Variants in LPP observed in about 807,000 individuals in gnomAD.
The protein encoded by LPP is LIM domain containing preferred translocation partner in lipoma.
A neutral mutation model predicts 60.4 loss-of-function variants in LPP; 38 were observed. The ratio of observed to expected loss-of-function variants is 0.63; its 90% CI spans 0.49 to 0.83. The LOEUF (loss-of-function observed/expected upper bound fraction) is 0.83. LPP is among the 40% of genes least tolerant of loss of function. LPP has a pLI of 0.00. For synonymous variants in LPP, 328 were observed against 290.8 expected (o/e 1.13, Z -1.30); for missense variants, 902 against 783.6 (o/e 1.15, Z -1.80).
intron 2 of LPP, among the ~76,000 whole-genome samples, chr3:188,227,175 T>C (rs2149333089): frequency 6.6e-6 from 1 of 151,804 alleles, no homozygotes; most frequent in African/African-American, 2.4e-5. Context: ...TTATTTTATT[T>C]TTATTTTTTA....
At chr3:188,679,480 C>G (rs548464546) in intron 7 of LPP, among the ~76,000 whole-genome samples, 1 of 151,640 alleles carries the variant, frequency 6.6e-6, no homozygotes, top group Non-Finnish European at 1.5e-5. Context: ...TTTAGTCTTT[C>G]TCGTCGTCCT....
intron 7 of LPP, among the ~76,000 whole-genome samples, chr3:188,635,126 T>C (rs721397): frequency 0.19 from 28,979 of 152,164 alleles, 3,240 homozygotes; most frequent in South Asian, 0.38. Context: ...GCTCCATGTT[T>C]AAATTATATT....
At chr3:188,491,260 G>A (rs189317691) in intron 5 of LPP, among the ~76,000 whole-genome samples, 35 of 152,288 alleles carry the variant, frequency 2.3e-4, no homozygotes, top group Admixed American at 3.3e-4. Context: ...TTCTGCTGCC[G>A]GTTAGTGTGA....
intron 3 of LPP, among the ~76,000 whole-genome samples, chr3:188,377,292 G>C (rs1348001854): frequency 6.6e-6 from 1 of 152,182 alleles, no homozygotes; most frequent in Non-Finnish European, 1.5e-5. Flanking sequence ...ATAATATCCT[G>C]CCGAGTGTTT....
chr3:188,654,395 T>C (rs1424318612), intron 7 of LPP, among the ~76,000 whole-genome samples: 1 of 152,162 alleles, frequency 6.6e-6, no homozygotes, highest in African/African-American at 2.4e-5. Flanking sequence ...ATTCTGGAAA[T>C]TGAATCTGTG....
intron 4 of LPP, among the ~76,000 whole-genome samples, chr3:188,439,987 A>G (rs1359926992): frequency 2.0e-5 from 3 of 152,204 alleles, no homozygotes; most frequent in African/African-American, 7.2e-5. Flanking sequence ...ACTCATACAC[A>G]TAAACATGGA....
intron 7 of LPP, among the ~76,000 whole-genome samples, chr3:188,669,626 A>G (rs1856556688): frequency 6.6e-6 from 1 of 152,160 alleles, no homozygotes; most frequent in Non-Finnish European, 1.5e-5. Flanking sequence ...CAGGTGATGG[A>G]GATGATGTGG....
intron 5 of LPP, among the ~76,000 whole-genome samples, chr3:188,498,585 T>C (rs1463542191): frequency 6.6e-6 from 1 of 152,216 alleles, no homozygotes. Flanking sequence ...TCTTTCCCCA[T>C]TTTACCTACT....
chr3:188,465,724 A>G (rs1057253768), intron 4 of LPP, among the ~76,000 whole-genome samples: 4 of 152,144 alleles, frequency 2.6e-5, no homozygotes, highest in African/African-American at 9.7e-5. Context: ...TTTACTCTTA[A>G]TAGGAGGCCG....
intron 2 of LPP, among the ~76,000 whole-genome samples, chr3:188,303,997 T>C (rs891144382): frequency 2.0e-5 from 3 of 152,294 alleles, no homozygotes; most frequent in African/African-American, 7.2e-5. Flanking sequence ...GGAAGTGCCC[T>C]GGCGGAAATC....
At chr3:188,528,458 A>T (rs1376587608) in intron 6 of LPP, among the ~76,000 whole-genome samples, 2 of 151,790 alleles carry the variant, frequency 1.3e-5, no homozygotes, top group East Asian at 3.9e-4. Context: ...TACAACCTTT[A>T]TTCTTGAAGG....
In LPP at chr3:188,605,739, A is replaced by G. The variant is rs375191935; in HGVS notation, c.430-3422A>G. Reference sequence around the variant, plus strand: ...TCATTAGTAACAATTTCACAGAAAGATTTAAGAAGCATTTTATTTTTCGTA... The same window carrying G: ...TCATTAGTAACAATTTCACAGAAAGGTTTAAGAAGCATTTTATTTTTCGTA... On this transcript the variant is annotated intron_variant, in intron 6 of 11. Coordinates refer to ENST00000617246, the MANE Select transcript of LPP (RefSeq NM_001375462.1). 1.6e-4 allele frequency among the ~76,000 whole-genome samples: 25 copies of G among 152,314 alleles called. No individual in the cohort carries two copies. In the South Asian group the frequency reaches 5.0e-3, roughly 30 times the overall value.
chr3:188,678,959 T>C (rs1858778564), intron 7 of LPP, among the ~76,000 whole-genome samples: 1 of 152,216 alleles, frequency 6.6e-6, no homozygotes, highest in Non-Finnish European at 1.5e-5. Context: ...CTTTATAGAC[T>C]GGTTGAGTGG....
chr3:188,305,600 CACAGAT>C (rs1310772281), intron 2 of LPP, among the ~76,000 whole-genome samples: 1 of 152,132 alleles, frequency 6.6e-6, no homozygotes, highest in Non-Finnish European at 1.5e-5. Flanking sequence ...CACACAAACA[CACAGAT>C]ACACACACAC....
chr3:188,638,822 C>T (rs1433240351), intron 7 of LPP, among the ~76,000 whole-genome samples: 2 of 147,874 alleles, frequency 1.4e-5, no homozygotes, highest in Non-Finnish European at 3.0e-5. Context: ...TGTGAAGGAC[C>T]TCTTCAAGGA....
intron 8 of LPP, among the ~76,000 whole-genome samples, chr3:188,719,751 A>T (rs928826748): frequency 6.6e-6 from 1 of 152,046 alleles, no homozygotes; most frequent in Non-Finnish European, 1.5e-5. Flanking sequence ...CATTCCCCCA[A>T]CCTGCACTTT....
intron 1 of LPP, among the ~76,000 whole-genome samples, chr3:188,218,417 T>A (rs1443033188): frequency 6.6e-6 from 1 of 152,188 alleles, no homozygotes; most frequent in East Asian, 1.9e-4. Flanking sequence ...GACCTCATCC[T>A]CCTGTGTATC....
At chr3:188,495,078 A>ATTTT (rs1172494426) in intron 5 of LPP, among the ~76,000 whole-genome samples, 3 of 100,664 alleles carry the variant, frequency 3.0e-5, no homozygotes, top group African/African-American at 1.8e-4. Context: ...ATATATATAT[A>ATTTT]TATATTTTAT....
At chr3:188,433,998 C>G (rs372842952) in intron 4 of LPP, among the ~76,000 whole-genome samples, 2 of 152,058 alleles carry the variant, frequency 1.3e-5, no homozygotes, top group African/African-American at 2.4e-5. Context: ...ATAACTTCAT[C>G]GTGTCCCATG....
Sources: allele counts gnomAD v4.1 joint callset (sites outside exome capture counted in the v4.1 genomes callset), GRCh38; gene constraint gnomAD v4.1.1; transcripts MANE v1.5; gene names NCBI Gene and HGNC (gene_info 2026-07-23, HGNC 2026-07-21).